RBL1: variants seen among roughly 807,000 people sequenced by gnomAD.
RBL1 encodes retinoblastoma-like protein 1.
In RBL1, 82 loss-of-function variants were observed where a neutral mutation model predicts 123.0. The observed-to-expected ratio is 0.67, with a 90% confidence interval of 0.56 to 0.80. The LOEUF is 0.80. Ranked by LOEUF, RBL1 falls within the 30% of genes least tolerant of loss-of-function variation. The pLI, the probability that RBL1 is intolerant of heterozygous loss-of-function variation, is 0.00. For missense variants in RBL1, 1,171 were observed against 1,299.6 expected (o/e 0.90, Z 1.52); for synonymous variants, 405 against 441.3 (o/e 0.92, Z 1.03).
intron 21 of RBL1, among the ~76,000 whole-genome samples, chr20:37,003,153 T>C (rs2064014926): frequency 6.6e-6 from 1 of 152,212 alleles, no homozygotes; most frequent in South Asian, 2.1e-4. Flanking sequence ...CACTACAATT[T>C]CTTCCAGTTT....
At chr20:37,020,120 G>A (rs991674097) in intron 18 of RBL1, among the ~76,000 whole-genome samples, 5 of 140,760 alleles carry the variant, frequency 3.6e-5, no homozygotes, top group African/African-American at 5.3e-5. Context: ...ACAGAGTCTC[G>A]CTCTGTCGGC....
intron 2 of RBL1, among the ~76,000 whole-genome samples, chr20:37,073,310 C>T (rs1723430505): frequency 6.6e-6 from 1 of 152,148 alleles, no homozygotes; most frequent in African/African-American, 2.4e-5. Context: ...CCTTATAGCA[C>T]TGTTATAACT....
intron 16 of RBL1, among the ~76,000 whole-genome samples, chr20:37,025,538 C>A (rs6130361): frequency 0.1 from 15,184 of 150,978 alleles, 1,219 homozygotes; most frequent in East Asian, 0.47. Flanking sequence ...AAAAAAAAAA[C>A]ATTCTACAAG....
At chr20:37,083,226 G>A (rs1245808616) in intron 2 of RBL1, among the ~76,000 whole-genome samples, 2 of 151,954 alleles carry the variant, frequency 1.3e-5, no homozygotes, top group East Asian at 3.9e-4. Flanking sequence ...TTAGCACTTT[G>A]GGAGGCTGAG....
At chr20:37,025,984 C>A (rs2064414033) in intron 16 of RBL1, among the ~76,000 whole-genome samples, 1 of 152,078 alleles carries the variant, frequency 6.6e-6, no homozygotes, top group Non-Finnish European at 1.5e-5. Flanking sequence ...ACCTCATGAT[C>A]CGCCCGTCTT....
intron 20 of RBL1, among the ~76,000 whole-genome samples, chr20:37,006,626 GT>G (rs2064077629): frequency 6.6e-6 from 1 of 150,692 alleles, no homozygotes; most frequent in Non-Finnish European, 1.5e-5. Flanking sequence ...GGATCACAAG[GT>G]CAGGAGTTCA....
In RBL1 at chr20:37,065,460, T is replaced by G. The variant is rs2065163622; in HGVS notation, c.860A>C (p.Glu287Ala). ...AAAACTTGAAAGGTCCAGGAGGCATTCTCCTTTTAATATCTGTGAACAAAA... is the reference window on the plus strand; with the variant it reads ...AAAACTTGAAAGGTCCAGGAGGCATGCTCCTTTTAATATCTGTGAACAAAA... ...KLFDRKILKG[E>A]CLLDLSSFTD... is the part of the protein sequence containing the mutation. The change falls in exon 7 of 22, where the codon GAA becomes GCA. Residue 287 changes from glutamate (E) to alanine (A), a missense_variant. Transcript: ENST00000373664. 1.3e-6 allele frequency: 2 copies of G among 1,597,412 alleles called. No homozygotes were observed. Among genetic ancestry groups the G allele is most frequent in the African/African-American group, 2.7e-5 (2 of 74,518 alleles).
At chr20:37,020,063 A>G (rs2064315070) in intron 18 of RBL1, among the ~76,000 whole-genome samples, 1 of 151,612 alleles carries the variant, frequency 6.6e-6, no homozygotes, top group Non-Finnish European at 1.5e-5. Flanking sequence ...ATATAATTAA[A>G]GAATATTATT....
At chr20:37,000,914 G>T (rs1292224009) in intron 21 of RBL1, among the ~76,000 whole-genome samples, 10 of 118,808 alleles carry the variant, frequency 8.4e-5, no homozygotes, top group Admixed American at 3.3e-4. Context: ...TCAGCCCCCC[G>T]CCCGGCCAGC....
At position 37,061,264 on chromosome 20, in the gene RBL1, C is replaced by G; in HGVS notation, c.1089G>C (p.Arg363Ser). Residue 363 changes from arginine (R) to serine (S), a missense_variant, in exon 9 of 22, where the codon AGG becomes AGC. By Grantham distance (110) the Arg-to-Ser change is moderately radical. Coordinates refer to ENST00000373664, the MANE Select transcript of RBL1 (RefSeq NM_002895.5). ...YNLQQHFEKK[R>S]SFAPSTPLTG... Reference sequence around the variant, plus strand: ...TCAGTGGGGTAGAAGGTGCAAATGACCTTTTCTGTCAGAAAAGAAAAATCC... The same window carrying G: ...TCAGTGGGGTAGAAGGTGCAAATGAGCTTTTCTGTCAGAAAAGAAAAATCC... 6.2e-7 allele frequency: 1 copy of G among 1,604,758 alleles called. No individual in the cohort carries two copies.
chr20:37,079,949 T>C lies in RBL1; in HGVS notation c.290+9040A>G, dbSNP rs529060052. On this transcript the variant is annotated intron_variant, in intron 2 of 21. Coordinates refer to ENST00000373664, the MANE Select transcript of RBL1 (RefSeq NM_002895.5). ...ATTTAGAAACATCAATTTCAAGACTTGCAGACAGGAAAGAATTCAGGACTT... is the reference window on the plus strand; with the variant it reads ...ATTTAGAAACATCAATTTCAAGACTCGCAGACAGGAAAGAATTCAGGACTT... Among the ~76,000 whole-genome samples, 3 of 152,240 alleles carry C rather than the reference T, an allele frequency of 2.0e-5. No individual in the cohort carries two copies. In the East Asian group the frequency reaches 5.8e-4, roughly 29 times the overall value.
chr20:37,034,607 C>G (rs560147192), intron 15 of RBL1, among the ~76,000 whole-genome samples: 1 of 152,082 alleles, frequency 6.6e-6, no homozygotes, highest in South Asian at 2.1e-4. Context: ...TCACTTGAGC[C>G]TGGGAGCAGA....
chr20:37,084,785 G>A (rs1252010820), intron 2 of RBL1, among the ~76,000 whole-genome samples: 2 of 151,726 alleles, frequency 1.3e-5, no homozygotes, highest in East Asian at 3.8e-4. Context: ...TTTTTTTTGA[G>A]ACAGAGTTTT....
chr20:37,065,380 G>A, intron 7 of RBL1, 44 bp downstream of exon 7: 1 of 1,385,674 alleles, frequency 7.2e-7, no homozygotes, highest in Non-Finnish European at 1.0e-6. Context: ...CAACAAATAT[G>A]ACAGCTTGTG....
chr20:37,025,238 G>T (rs762531470), intron 16 of RBL1, among the ~76,000 whole-genome samples: 3 of 152,146 alleles, frequency 2.0e-5, no homozygotes, highest in Non-Finnish European at 4.4e-5. Context: ...TGAAAATTCT[G>T]CCTGGGCACG....
In RBL1 at chr20:37,018,384, G is replaced by C; in HGVS notation, c.2632-15C>G. ...CTTCTATATACCTACATGCCAGAGG[G>C]GAAGAAAAGGACAGCTCAGTCACAG... is the stretch of plus-strand genomic sequence containing the variant. On this transcript the variant is annotated splice_polypyrimidine_tract_variant and intron_variant, in intron 18 of 21. Coordinates refer to ENST00000373664, the MANE Select transcript of RBL1 (RefSeq NM_002895.5). 1 of 1,591,078 alleles carries C rather than the reference G, an allele frequency of 6.3e-7. No individual in the cohort carries two copies. Among genetic ancestry groups the C allele is most frequent in the Non-Finnish European group, 8.5e-7 (1 of 1,171,910 alleles).
At chr20:37,037,395 CACTT>C (rs1401735401) in intron 14 of RBL1, among the ~76,000 whole-genome samples, 1 of 152,124 alleles carries the variant, frequency 6.6e-6, no homozygotes, top group Non-Finnish European at 1.5e-5. Flanking sequence ...AAAAGATGCT[CACTT>C]AGTTATAAAT....
intron 11 of RBL1, among the ~76,000 whole-genome samples, chr20:37,048,283 C>G (rs552745937): frequency 2.0e-5 from 3 of 152,184 alleles, no homozygotes; most frequent in Admixed American, 2.0e-4. Flanking sequence ...ATCCTCAGGT[C>G]CCCACACAAC....
rs2063909677 is a variant in RBL1 at position 36,998,235 on chromosome 20, T to C, written c.*524A>G. The C allele has an allele frequency of 1.3e-5, 2 of 151,938 alleles. No individual in the cohort carries two copies. The highest frequency in any genetic ancestry group is 4.1e-4 in the South Asian group (2 of 4,828). The allele number at this position is 151,938 out of a possible 1,614,324, so 9.4% of individuals were successfully genotyped here. A position where few individuals can be genotyped will look rare whatever the true frequency, so the allele number is the denominator to read the frequency against. ...AAAATTCCCTATTTATATATATATA[T>C]ATATTTTTTGAGATGGAGTTTTACT... On this transcript the variant is annotated 3_prime_UTR_variant, in exon 22 of 22. Coordinates refer to ENST00000373664, the MANE Select transcript of RBL1 (RefSeq NM_002895.5).
Sources: gnomAD v4.1 joint callset for allele counts (sites outside exome capture counted in the v4.1 genomes callset) on GRCh38, gnomAD v4.1.1 for gene constraint, MANE v1.5 for transcripts, NCBI Gene and HGNC (gene_info 2026-07-23, HGNC 2026-07-21) for gene names.